The following PRDM1 variants were observed in gnomAD, a reference collection of about 807,000 sequenced individuals.
The protein encoded by PRDM1 is PR/SET domain 1.
A neutral mutation model predicts 62.8 loss-of-function variants in PRDM1; 13 were observed. The observed-to-expected ratio is 0.21, with a 90% CI of 0.13 to 0.33. The LOEUF (loss-of-function observed/expected upper bound fraction) is 0.33, where lower values mean the gene tolerates loss of function less well. Ranked by LOEUF, PRDM1 falls within the 10% of genes least tolerant of loss-of-function variation. The pLI is 1.00. For synonymous variants in PRDM1, 396 were observed against 417.6 expected (o/e 0.95, Z 0.63); for missense variants, 895 against 1,058.8 (o/e 0.85, Z 2.15).
chr6:106,082,816 G>A (rs572130911), upstream of PRDM1, among the ~76,000 whole-genome samples: 1 of 152,318 alleles, frequency 6.6e-6, no homozygotes, highest in Admixed American at 6.5e-5. Flanking sequence ...TTTGGGAGGT[G>A]AGCTGTGTCA....
intron 2 of PRDM1, among the ~76,000 whole-genome samples, chr6:106,088,789 A>G (rs997886194): frequency 2.0e-5 from 3 of 152,360 alleles, no homozygotes; most frequent in East Asian, 3.9e-4. Flanking sequence ...CTGTTGTACA[A>G]TATCTCTTAA....
chr6:106,029,349 A>C (rs1042445251), intron 1 of PRDM1, among the ~76,000 whole-genome samples: 4 of 152,336 alleles, frequency 2.6e-5, no homozygotes, highest in Admixed American at 2.6e-4. Context: ...TTGCCATGTG[A>C]ATATCCAGTT....
chr6:106,060,768 CA>C (rs1223787789), intron 1 of PRDM1, among the ~76,000 whole-genome samples: 1 of 151,972 alleles, frequency 6.6e-6, no homozygotes, highest in Non-Finnish European at 1.5e-5. Context: ...ACATGTGCTT[CA>C]TGGCATGATG....
At position 105,994,011 on chromosome 6, in the gene PRDM1, G is replaced by A. The variant is rs981329458; in HGVS notation, c.-67+372G>A. Among the ~76,000 whole-genome samples, 1 of 152,234 alleles carries A rather than the reference G, an allele frequency of 6.6e-6. No individual in the cohort carries two copies. Among genetic ancestry groups the A allele is most frequent in the African/African-American group, 2.4e-5 (1 of 41,464 alleles). On this transcript the variant is annotated intron_variant, in intron 1 of 6. Transcript: ENST00000652320. This position sits in a 1 kb window ranked among gnomAD's most constrained non-coding sequence, Gnocchi z 4.1. ...GATGTCTTTTCCTAATTTATGAAAC[G>A]TGAACGGGGGTAAGGTATTTATTTG...
intron 1 of PRDM1, among the ~76,000 whole-genome samples, chr6:106,010,347 A>G (rs1419656378): frequency 6.6e-6 from 1 of 152,240 alleles, no homozygotes. Context: ...CTACAAATGC[A>G]TAATCATACA....
chr6:106,008,961 C>A (rs959914376), intron 1 of PRDM1, among the ~76,000 whole-genome samples: 1 of 152,168 alleles, frequency 6.6e-6, no homozygotes, highest in Non-Finnish European at 1.5e-5. Context: ...CTTCCCGCAG[C>A]GGTGGCCAGG....
At chr6:106,055,954 T>C (rs1440946371) in intron 1 of PRDM1, among the ~76,000 whole-genome samples, 1 of 152,144 alleles carries the variant, frequency 6.6e-6, no homozygotes, top group Non-Finnish European at 1.5e-5. Flanking sequence ...CCAAATCAAA[T>C]TAAAGCTGTG....
chr6:106,041,533 A>G (rs992555333), intron 1 of PRDM1, among the ~76,000 whole-genome samples: 1 of 152,206 alleles, frequency 6.6e-6, no homozygotes, highest in Non-Finnish European at 1.5e-5. Flanking sequence ...AGAAAAGGCT[A>G]AAAATTAAAT....
At chr6:106,052,141 C>T (rs1478368303) in intron 1 of PRDM1, among the ~76,000 whole-genome samples, 1 of 152,030 alleles carries the variant, frequency 6.6e-6, no homozygotes, top group Non-Finnish European at 1.5e-5. Context: ...TGCCACTGAG[C>T]TGTACACTTA....
At chr6:106,043,722 C>T (rs143564915), upstream of PRDM1, among the ~76,000 whole-genome samples, 6,515 of 152,058 alleles carry the variant, frequency 0.043, 161 homozygotes, top group Non-Finnish European at 0.059. Flanking sequence ...TTAGTAGAGA[C>T]GGCGTTTCTC....
chr6:106,038,743 A>G (rs577019308), intron 1 of PRDM1, among the ~76,000 whole-genome samples: 1 of 152,362 alleles, frequency 6.6e-6, no homozygotes, highest in South Asian at 2.1e-4. Flanking sequence ...GCTGCCTGCC[A>G]TGGGGCTGAG....
At position 106,053,944 on chromosome 6, in the gene PRDM1, A is replaced by G. The variant is rs75524833; in HGVS notation, c.-67+5230A>G. Among the ~76,000 whole-genome samples, 682 of 152,160 alleles carry G rather than the reference A, an allele frequency of 4.5e-3. 4 individuals are homozygous for G. Among genetic ancestry groups the G allele is most frequent in the African/African-American group, 0.015 (641 of 41,498 alleles). ...TCTTTTGAATGAGTGTCTAGAGTAC[A>G]AAGGTTATGAACCACTTGTAAAAAG... is the stretch of plus-strand genomic sequence containing the variant. On this transcript the variant is annotated intron_variant, in intron 1 of 6. Coordinates refer to the PRDM1 transcript ENST00000651185.
intron 1 of PRDM1, among the ~76,000 whole-genome samples, chr6:106,067,498 C>T (rs1420296099): frequency 6.6e-6 from 1 of 152,188 alleles, no homozygotes; most frequent in African/African-American, 2.4e-5. Flanking sequence ...ACCCATGTGT[C>T]CCTCAACAGA....
At chr6:106,063,712 A>G (rs1462019753) in intron 1 of PRDM1, among the ~76,000 whole-genome samples, 1 of 152,220 alleles carries the variant, frequency 6.6e-6, no homozygotes, top group Non-Finnish European at 1.5e-5. Flanking sequence ...TGAGATTAAA[A>G]AGATGGGGCA....
At chr6:106,070,613 G>T (rs1773495221) in intron 1 of PRDM1, among the ~76,000 whole-genome samples, 1 of 151,962 alleles carries the variant, frequency 6.6e-6, no homozygotes, top group African/African-American at 2.4e-5. Context: ...TAAGGCTCTT[G>T]GTATATATAG....
intron 1 of PRDM1, among the ~76,000 whole-genome samples, chr6:106,038,518 G>A (rs1772952626): frequency 6.6e-6 from 1 of 152,156 alleles, no homozygotes; most frequent in Non-Finnish European, 1.5e-5. Context: ...AAGAAGAAAA[G>A]GGATGCTGGT....
intron 1 of PRDM1, among the ~76,000 whole-genome samples, chr6:106,069,462 C>A (rs1773479112): frequency 6.6e-6 from 1 of 152,136 alleles, no homozygotes. Context: ...TTCCTTTCAA[C>A]AGCAATAGAT....
intron 1 of PRDM1, among the ~76,000 whole-genome samples, chr6:106,022,410 C>A (rs1341867999): frequency 6.6e-6 from 1 of 151,068 alleles, no homozygotes; most frequent in Non-Finnish European, 1.5e-5. Context: ...GCATGCACCA[C>A]CACCACGCCC....
At position 106,104,779 on chromosome 6, in the gene PRDM1, G is replaced by C. The variant is rs768076413; in HGVS notation, c.665-46G>C. On this transcript the variant is annotated intron_variant, in intron 4 of 6. Transcript: ENST00000369096. ...GAGCAACTTTGGCAGTTTTGCTTCA[G>C]TTCTCTCTAGCCCTCTGTGTAATCG... 17 of 1,544,308 alleles carry C rather than the reference G, an allele frequency of 1.1e-5. No homozygotes were observed. In the African/African-American group the frequency reaches 1.5e-4, roughly 14 times the overall value.
Sources: gnomAD v4.1 joint callset for allele counts (sites outside exome capture counted in the v4.1 genomes callset) on GRCh38, gnomAD v4.1.1 for gene constraint, Gnocchi (gnomAD v3.1) non-coding constraint, MANE v1.5 for transcripts, NCBI Gene and HGNC (gene_info 2026-07-23, HGNC 2026-07-21) for gene names.